CPAP: variants seen among roughly 807,000 people sequenced by gnomAD.
The protein encoded by CPAP is centrosome assembly and centriole elongation protein, also known as centrosomal P4.1-associated protein.
At chr13:24,883,498 TAC>T in the CPAP span, 1 of 685,582 alleles carries the variant, frequency 1.5e-6, no homozygotes, top group Non-Finnish European at 2.4e-6. Flanking sequence ...GTTATCCCTA[TAC>T]AATTGTAACT....
At chr13:24,887,787 C>A in the CPAP span, among the ~76,000 whole-genome samples, 3 of 152,268 alleles carry the variant, frequency 2.0e-5, no homozygotes, top group African/African-American at 7.2e-5. Flanking sequence ...GTCCCTGATG[C>A]CAAAAAGGTT....
the CPAP span, among the ~76,000 whole-genome samples, chr13:24,898,967 T>G: frequency 1.3e-5 from 2 of 152,234 alleles, no homozygotes; most frequent in African/African-American, 4.8e-5. Context: ...GTTTATAGTT[T>G]TAGCATGTCC....
chr13:24,903,007 A>C, the CPAP span, among the ~76,000 whole-genome samples: 1 of 152,248 alleles, frequency 6.6e-6, no homozygotes, highest in Non-Finnish European at 1.5e-5. Context: ...AATAAAAAGT[A>C]CTAGTATGTT....
the CPAP span, chr13:24,903,879 A>G: frequency 1.9e-6 from 3 of 1,590,478 alleles, no homozygotes; most frequent in East Asian, 6.7e-5. Flanking sequence ...TTAAAGGTAT[A>G]ACTGAGTCAC....
At chr13:24,884,491 T>TAAGA in the CPAP span, 1 of 1,612,614 alleles carries the variant, frequency 6.2e-7, no homozygotes, top group South Asian at 1.1e-5. Flanking sequence ...GATTATCACC[T>TAAGA]AAGATTTTCT....
chr13:24,894,704 G>A, the CPAP span, among the ~76,000 whole-genome samples: 2 of 152,186 alleles, frequency 1.3e-5, no homozygotes, highest in Non-Finnish European at 2.9e-5. Flanking sequence ...CAGAACGCGC[G>A]GAGGAGACAG....
At chr13:24,898,649 C>G in the CPAP span, among the ~76,000 whole-genome samples, 1 of 152,248 alleles carries the variant, frequency 6.6e-6, no homozygotes, top group Admixed American at 6.5e-5. Flanking sequence ...ATTAAAGACC[C>G]TGAACACCAT....
the CPAP span, chr13:24,911,822 C>T: frequency 5.7e-5 from 67 of 1,176,166 alleles, no homozygotes; most frequent in East Asian, 1.3e-3. Context: ...TCACATTTAT[C>T]GGGCTAGCCT....
chr13:24,899,348 T>C, the CPAP span: 1 of 1,243,454 alleles, frequency 8.0e-7, no homozygotes, highest in Non-Finnish European at 1.2e-6. Context: ...ACATAAGAAA[T>C]AACTCTGAGA....
chr13:24,933,167 T>TA, the CPAP span: 31 of 1,467,728 alleles, frequency 2.1e-5, 1 homozygote, highest in African/African-American at 3.9e-4. Flanking sequence ...TACAGTGTGA[T>TA]AAAACATCGC....
chr13:24,931,122 G>T, the CPAP span, among the ~76,000 whole-genome samples: 1 of 151,774 alleles, frequency 6.6e-6, no homozygotes, highest in Non-Finnish European at 1.5e-5. Flanking sequence ...ATTTGTTTTT[G>T]AGACCTTGTT....
At chr13:24,886,289 C>T in the CPAP span, 8 of 1,288,268 alleles carry the variant, frequency 6.2e-6, no homozygotes, top group East Asian at 3.3e-4. Context: ...AAAAGTGTAA[C>T]AGAGCTGGAT....
chr13:24,913,147 C>CA, the CPAP span: 8 of 798,088 alleles, frequency 1.0e-5, no homozygotes, highest in South Asian at 1.3e-4. Flanking sequence ...GATGTCCTAC[C>CA]AAAAATGAGC....
chr13:24,931,306 C>CTTTTTTTTTTTTTTTTTTTTT, the CPAP span, among the ~76,000 whole-genome samples: 38 of 72,638 alleles, frequency 5.2e-4, 4 homozygotes, highest in African/African-American at 1.7e-3. Context: ...TTTCATGTTT[C>CTTTTTTTTTTTTTTTTTTTTT]TTTTTTTTTT....
At chr13:24,899,361 C>G in the CPAP span, 1 of 1,362,400 alleles carries the variant, frequency 7.3e-7, no homozygotes, top group Non-Finnish European at 1.0e-6. Context: ...CTCTGAGATG[C>G]TTACAAGATT....
At chr13:24,917,380 A>G in the CPAP span, among the ~76,000 whole-genome samples, 2 of 152,244 alleles carry the variant, frequency 1.3e-5, no homozygotes, top group African/African-American at 2.4e-5. Context: ...CACTTTAATT[A>G]AAGTTAATTA....
chr13:24,925,204 T>C, the CPAP span, among the ~76,000 whole-genome samples: 1 of 152,202 alleles, frequency 6.6e-6, no homozygotes, highest in Non-Finnish European at 1.5e-5. Flanking sequence ...CTCTAACTCG[T>C]AGGCTCAAGC....
At chr13:24,882,562 C>CAA in the CPAP span, 1 of 153,342 alleles carries the variant, frequency 6.5e-6, no homozygotes, top group African/African-American at 2.4e-5. Context: ...CCTCCACTCT[C>CAA]AAGTATCCCA....
At chr13:24,891,655 G>A in the CPAP span, among the ~76,000 whole-genome samples, 14 of 152,166 alleles carry the variant, frequency 9.2e-5, no homozygotes, top group Admixed American at 8.5e-4. Context: ...CTGCATTCCT[G>A]GTGTTGCCCA....
Sources: gnomAD v4.1 joint callset for allele counts (sites outside exome capture counted in the v4.1 genomes callset) on GRCh38, gnomAD v4.1.1 for gene constraint, MANE v1.5 for transcripts, NCBI Gene and HGNC (gene_info 2026-07-23, HGNC 2026-07-21) for gene names.